Variants in BMPR1B observed in about 807,000 individuals in gnomAD.
BMPR1B encodes bone morphogenetic protein receptor type 1B.
A neutral mutation model predicts 59.1 loss-of-function variants in BMPR1B; 12 were observed. The observed-to-expected ratio is 0.20, with a 90% CI of 0.13 to 0.33. BMPR1B has a LOEUF of 0.33. Ranked by LOEUF, BMPR1B falls within the 10% of genes least tolerant of loss-of-function variation. The pLI is 1.00. For missense variants in BMPR1B, 550 were observed against 610.9 expected, an observed-to-expected ratio of 0.90 and a Z score of 1.05; for synonymous variants, 237 against 207.3, an observed-to-expected ratio of 1.14 and a Z score of -1.23.
rs1732716295 is a variant in BMPR1B at position 95,123,920 on chromosome 4, A to G, written c.446+14A>G. The G allele has an allele frequency of 2.5e-6, 4 of 1,569,190 alleles. No homozygotes were observed. In the East Asian group the frequency reaches 6.7e-5, roughly 26 times the overall value. Reference sequence around the variant, plus strand: ...TTGTTACTTCCGGTAAGTTTCTAACATGTAGATGCAAAATTTTTAATTTAT... The same window carrying G: ...TTGTTACTTCCGGTAAGTTTCTAACGTGTAGATGCAAAATTTTTAATTTAT... On this transcript the variant is annotated intron_variant, in intron 7 of 12. Transcript: ENST00000515059.
At chr4:94,870,038 A>G (rs1244848731) in intron 1 of BMPR1B, among the ~76,000 whole-genome samples, 3 of 152,206 alleles carry the variant, frequency 2.0e-5, no homozygotes, top group African/African-American at 7.2e-5. Flanking sequence ...ATATTAGAGA[A>G]GAAGTTGCAA....
At chr4:95,095,752 T>C (rs1207676587) in intron 3 of BMPR1B, among the ~76,000 whole-genome samples, 1 of 152,092 alleles carries the variant, frequency 6.6e-6, no homozygotes, top group Non-Finnish European at 1.5e-5. Flanking sequence ...TTGAATTTAA[T>C]ATTACTTGAA....
rs28436246 is a variant in BMPR1B, at chr4:94,815,671, A to T, written c.-183+57603A>T. Among the ~76,000 whole-genome samples, 1,136 of 152,312 alleles carry T rather than the reference A, an allele frequency of 7.5e-3. 17 individuals carry two copies. Among genetic ancestry groups the T allele is most frequent in the African/African-American group, 0.026 (1,089 of 41,562 alleles). ...AGAATCACACGTGGCTAGATGTGTT[A>T]GCTTGGAAAAGTTACTTTTACCTAC... On this transcript the variant is annotated intron_variant, in intron 1 of 12. Transcript: ENST00000515059.
chr4:95,066,054 A>G (rs1245006420), intron 3 of BMPR1B, among the ~76,000 whole-genome samples: 1 of 152,164 alleles, frequency 6.6e-6, no homozygotes, highest in East Asian at 1.9e-4. Flanking sequence ...GCTGCTGTTC[A>G]TAATTCTCAG....
At chr4:94,869,339 A>G (rs1022594656) in intron 1 of BMPR1B, among the ~76,000 whole-genome samples, 1 of 152,198 alleles carries the variant, frequency 6.6e-6, no homozygotes, top group Non-Finnish European at 1.5e-5. Context: ...TTTACTAAGC[A>G]CCAGAAGAAA....
Position 94,763,559 on chromosome 4 carries a change from G to A in BMPR1B, c.-183+5491G>A, listed in dbSNP as rs528263599. Among the ~76,000 whole-genome samples, 45 of 152,166 alleles carry A rather than the reference G, an allele frequency of 3.0e-4. No homozygotes were observed. The East Asian group carries it at 4.2e-3, about 14-fold the overall frequency. The stretch of plus-strand genomic sequence containing the variant: ...TTTCTGGAGATTGTATTTACTTATC[G>A]GCTAAAGGAAAAAAAAGATACAATC... On this transcript the variant is annotated intron_variant, in intron 1 of 12. Coordinates refer to ENST00000515059, the MANE Select transcript of BMPR1B (RefSeq NM_001203.3).
At position 95,104,497 on chromosome 4, in the gene BMPR1B, C is replaced by T; in HGVS notation, c.73C>T (p.Pro25Ser). 1.9e-6 allele frequency: 3 copies of T among 1,613,452 alleles called. No homozygotes were observed. Among genetic ancestry groups the T allele is most frequent in the Non-Finnish European group, 2.5e-6 (3 of 1,179,648 alleles). ...KEDGESTAPT[P>S]RPKVLRCKCH... ...GGATGGTGAGAGTACAGCCCCCACC[C>T]CCCGTCCAAAGGTCTTGCGTTGTAA... The change falls in exon 4 of 13, where the codon CCC becomes TCC. Residue 25 changes from proline (P) to serine (S), a missense_variant. Around this residue, in one of 6 missense-constraint regions of BMPR1B, gnomAD observed 43 missense variants for 35.4 expected, o/e 1.22. Transcript: ENST00000515059.
chr4:95,034,006 A>G (rs370667573), intron 3 of BMPR1B, among the ~76,000 whole-genome samples: 27 of 152,260 alleles, frequency 1.8e-4, no homozygotes, highest in East Asian at 1.7e-3. Context: ...AGATCCATCA[A>G]ATTTTTCAGC....
At chr4:95,076,121 G>A (rs1728689184) in intron 3 of BMPR1B, among the ~76,000 whole-genome samples, 1 of 152,140 alleles carries the variant, frequency 6.6e-6, no homozygotes, top group Non-Finnish European at 1.5e-5. Context: ...CTTCCCAAGA[G>A]TCCTAACTTG....
At position 95,021,718 on chromosome 4, in the gene BMPR1B, A is replaced by G. The variant is rs1034925879; in HGVS notation, c.-18+25584A>G. Among the ~76,000 whole-genome samples the G allele has an allele frequency of 5.9e-5, 9 of 152,358 alleles. No individual in the cohort carries two copies. The South Asian group carries it at 8.3e-4, about 14-fold the overall frequency. ...CAAAATATGCATATATTTATAAGTC[A>G]TATGTGAAATATGGAGCATAAAAAT... On this transcript the variant is annotated intron_variant, in intron 3 of 12. Coordinates refer to ENST00000515059, the MANE Select transcript of BMPR1B (RefSeq NM_001203.3).
intron 10 of BMPR1B, among the ~76,000 whole-genome samples, chr4:95,148,449 C>T (rs1734801950): frequency 6.6e-6 from 1 of 151,706 alleles, no homozygotes; most frequent in Non-Finnish European, 1.5e-5. Flanking sequence ...TGGCATCTCA[C>T]TATGTTGCCC....
chr4:94,806,717 C>T (rs1415723596), intron 1 of BMPR1B, among the ~76,000 whole-genome samples: 1 of 152,112 alleles, frequency 6.6e-6, no homozygotes, highest in African/African-American at 2.4e-5. Flanking sequence ...AAATACTGGC[C>T]ATCTGGTTAA....
At chr4:94,823,670 G>A (rs1215141852) in intron 1 of BMPR1B, among the ~76,000 whole-genome samples, 1 of 152,062 alleles carries the variant, frequency 6.6e-6, no homozygotes, top group Non-Finnish European at 1.5e-5. Flanking sequence ...TTCTGACTGA[G>A]ATATGGAATA....
At chr4:94,779,913 T>TAAGCTGTATC (rs910322812) in intron 1 of BMPR1B, among the ~76,000 whole-genome samples, 16 of 152,290 alleles carry the variant, frequency 1.1e-4, no homozygotes, top group Non-Finnish European at 2.2e-4. Flanking sequence ...AAATGGATAT[T>TAAGCTGTATC]AAGCTGTATC....
In BMPR1B at chr4:94,940,628, T is replaced by A. The variant is rs76481560; in HGVS notation, c.-112-55412T>A. On this transcript the variant is annotated intron_variant, in intron 2 of 12. Transcript: ENST00000515059. ...GTTGGATTGCTAATTAAAACTTAGA[T>A]TTATCCATTATTCAACTCAGTGTTT... is the stretch of plus-strand genomic sequence containing the variant. Among the ~76,000 whole-genome samples the A allele has an allele frequency of 6.2e-3, 942 of 152,306 alleles. 3 individuals are homozygous for A. The highest frequency in any genetic ancestry group is 9.9e-3 in the Non-Finnish European group (673 of 68,030).
chr4:94,924,501 A>G (rs1035630758), intron 2 of BMPR1B, among the ~76,000 whole-genome samples: 5 of 152,130 alleles, frequency 3.3e-5, no homozygotes, highest in East Asian at 1.9e-4. Flanking sequence ...AACAAGGACT[A>G]TGATAAAGAG....
At chr4:95,062,072 G>GC (rs1418638564) in intron 3 of BMPR1B, among the ~76,000 whole-genome samples, 1 of 152,098 alleles carries the variant, frequency 6.6e-6, no homozygotes, top group African/African-American at 2.4e-5. Flanking sequence ...CACCAGCCAT[G>GC]CCTCCTGTAC....
intron 4 of BMPR1B, among the ~76,000 whole-genome samples, chr4:95,110,790 C>G (rs189628689): frequency 6.6e-6 from 1 of 152,282 alleles, no homozygotes; most frequent in East Asian, 1.9e-4. Flanking sequence ...TACTCAGCAC[C>G]CAGCTCTGCT....
chr4:94,810,193 G>T (rs1299789371), intron 1 of BMPR1B, among the ~76,000 whole-genome samples: 1 of 152,086 alleles, frequency 6.6e-6, no homozygotes, highest in African/African-American at 2.4e-5. Context: ...GGCATTATTT[G>T]CTTTCAAGCC....
Sources: gnomAD v4.1 joint callset for allele counts (sites outside exome capture counted in the v4.1 genomes callset) on GRCh38, gnomAD v4.1.1 for gene constraint, gnomAD v4.1.1 regional missense constraint, MANE v1.5 for transcripts, NCBI Gene and HGNC (gene_info 2026-07-23, HGNC 2026-07-21) for gene names.